The following UGT2B4 variants were observed in gnomAD, a reference collection of about 807,000 sequenced individuals.
UGT2B4 encodes the protein UDP glucuronosyltransferase family 2 member B4.
A neutral mutation model predicts 49.8 loss-of-function variants in UGT2B4; 49 were observed. That is an observed-to-expected ratio of 0.98 (90% CI 0.78 to 1.25). UGT2B4 has a LOEUF of 1.25. Ranked by LOEUF, UGT2B4 falls within the 50% of genes most tolerant of loss-of-function variation. The pLI, the probability that UGT2B4 is intolerant of heterozygous loss-of-function variation, is 0.00. For synonymous variants in UGT2B4, 246 were observed against 217.7 expected (o/e 1.13, Z -1.14); for missense variants, 729 against 627.7 (o/e 1.16, Z -1.73).
At chr4:69,513,166 T>C (rs1170070070) in intron 1 of UGT2B4, among the ~76,000 whole-genome samples, 5 of 152,208 alleles carry the variant, frequency 3.3e-5, no homozygotes, top group African/African-American at 4.8e-5. Flanking sequence ...CATGTGCCTA[T>C]GTCTTGAGCA....
At chr4:69,511,684 A>G (rs12642506) in intron 1 of UGT2B4, among the ~76,000 whole-genome samples, 53,083 of 151,638 alleles carry the variant, frequency 0.35, 9,303 homozygotes, top group Non-Finnish European at 0.37. Flanking sequence ...CTGCTCTCAT[A>G]AAATGAGTTT....
intron 1 of UGT2B4, among the ~76,000 whole-genome samples, chr4:69,523,700 G>A (rs1577908042): frequency 6.6e-6 from 1 of 152,178 alleles, no homozygotes; most frequent in East Asian, 1.9e-4. Flanking sequence ...AAAAGAGTCA[G>A]CCTGTGCTTT....
intron 1 of UGT2B4, among the ~76,000 whole-genome samples, chr4:69,515,260 T>A (rs959658402): frequency 2.0e-5 from 3 of 152,158 alleles, no homozygotes; most frequent in Admixed American, 2.0e-4. Context: ...ATTGTTCACA[T>A]AATTGGAAGT....
intron 1 of UGT2B4, among the ~76,000 whole-genome samples, chr4:69,501,126 C>T (rs949002433): frequency 6.6e-6 from 1 of 151,300 alleles, no homozygotes; most frequent in African/African-American, 2.4e-5. Flanking sequence ...TTGTGCCTAC[C>T]GGGGATGGAG....
At chr4:69,515,511 A>C (rs1364609569) in intron 1 of UGT2B4, among the ~76,000 whole-genome samples, 2 of 152,188 alleles carry the variant, frequency 1.3e-5, no homozygotes, top group Non-Finnish European at 2.9e-5. Flanking sequence ...CAGCTAAAGC[A>C]GTGTTAGGGA....
intron 1 of UGT2B4, among the ~76,000 whole-genome samples, chr4:69,504,673 A>C (rs1298845749): frequency 2.1e-5 from 2 of 95,496 alleles, no homozygotes; most frequent in Admixed American, 1.2e-4. Flanking sequence ...CTTGGAAACC[A>C]TATTTCAGGT....
intron 5 of UGT2B4, among the ~76,000 whole-genome samples, chr4:69,484,999 T>G (rs1015385891): frequency 6.6e-6 from 1 of 152,126 alleles, no homozygotes; most frequent in Non-Finnish European, 1.5e-5. Context: ...GTGTAGAAAA[T>G]TATTTCAATA....
exon 1 of UGT2B4, chr4:69,525,706 G>C (rs1243612652): frequency 1.6e-6 from 2 of 1,280,344 alleles, no homozygotes; most frequent in Non-Finnish European, 1.0e-6. Context: ...TCGTTGATGA[G>C]ACATGTAAGA....
intron 1 of UGT2B4, chr4:69,525,643 A>G (rs1264654791): frequency 8.2e-7 from 1 of 1,225,080 alleles, no homozygotes; most frequent in Admixed American, 2.5e-5. Context: ...TGCACCTGCC[A>G]TTTTTTCACA....
chr4:69,511,101 C>T (rs946773110), intron 1 of UGT2B4, among the ~76,000 whole-genome samples: 9 of 151,008 alleles, frequency 6.0e-5, no homozygotes, highest in Middle Eastern at 3.4e-3. Context: ...AAGCAATTCT[C>T]CTACCCTACC....
chr4:69,501,295 T>G (rs1375621612), intron 1 of UGT2B4, among the ~76,000 whole-genome samples: 1 of 152,150 alleles, frequency 6.6e-6, no homozygotes, highest in Admixed American at 6.5e-5. Context: ...CTACTCTACC[T>G]AAACTTGGCC....
At chr4:69,517,456 TA>T (rs1326352910) in intron 1 of UGT2B4, among the ~76,000 whole-genome samples, 1 of 152,144 alleles carries the variant, frequency 6.6e-6, no homozygotes, top group Non-Finnish European at 1.5e-5. Flanking sequence ...AAGAATCAAA[TA>T]AAATCTCTGT....
Position 69,495,442 on chromosome 4 carries a change from T to G in UGT2B4, c.420A>C (p.Leu140=). Residue 140 remains leucine, a synonymous_variant, in exon 1 of 6, where the codon CTA becomes CTC. Coordinates refer to ENST00000305107, the MANE Select transcript of UGT2B4 (RefSeq NM_021139.3). ...GAACAACATCAAATCTTGACTCCTG[T>G]AGTTTCTTCATAAGTTTCTTATTTG... is the stretch of plus-strand genomic sequence containing the variant. The part of the protein sequence containing the change: ...IVSNKKLMKK[L]QESRFDVVLA... 1 of 1,613,784 alleles carries G rather than the reference T, an allele frequency of 6.2e-7. No homozygotes were observed. The highest frequency in any genetic ancestry group is 8.5e-7 in the Non-Finnish European group (1 of 1,179,878).
At chr4:69,496,647 C>G (rs2109816204), upstream of UGT2B4, among the ~76,000 whole-genome samples, 1 of 152,216 alleles carries the variant, frequency 6.6e-6, no homozygotes, top group Non-Finnish European at 1.5e-5. Flanking sequence ...AAAATAAACC[C>G]TATAAGCTTT....
chr4:69,484,158 G>T (rs1727696582), intron 5 of UGT2B4, among the ~76,000 whole-genome samples: 2 of 152,032 alleles, frequency 1.3e-5, no homozygotes, highest in Non-Finnish European at 1.5e-5. Context: ...AATAACAGGT[G>T]TTGGCAACAA....
rs1727550852 is a variant in UGT2B4 at position 69,480,506 on chromosome 4, A to G, written c.*128T>C. On this transcript the variant is annotated 3_prime_UTR_variant, in exon 6 of 6. Coordinates refer to ENST00000305107, the MANE Select transcript of UGT2B4 (RefSeq NM_021139.3). ...AGGTACTAAAACAAATTTTGACTTGACAAGGTAAGTTTTGAAAGATGTTTT... is the reference window on the plus strand; with the variant it reads ...AGGTACTAAAACAAATTTTGACTTGGCAAGGTAAGTTTTGAAAGATGTTTT... 1.4e-6 allele frequency: 2 copies of G among 1,435,336 alleles called. No individual in the cohort carries two copies. Among genetic ancestry groups the G allele is most frequent in the South Asian group, 1.5e-5 (1 of 67,824 alleles). The allele number at this position is 1,435,336 out of a possible 1,614,324, so 88.9% of individuals were successfully genotyped here. A position where few individuals can be genotyped will look rare whatever the true frequency, so the allele number is the denominator to read the frequency against.
At chr4:69,499,290 T>C (rs1043046649), upstream of UGT2B4, among the ~76,000 whole-genome samples, 1 of 152,206 alleles carries the variant, frequency 6.6e-6, no homozygotes, top group Non-Finnish European at 1.5e-5. Context: ...ATTTCTGTGA[T>C]TGATTTTAGA....
intron 1 of UGT2B4, among the ~76,000 whole-genome samples, chr4:69,509,946 C>A (rs1483110874): frequency 2.0e-5 from 3 of 151,954 alleles, no homozygotes; most frequent in Non-Finnish European, 4.4e-5. Flanking sequence ...TGTTATGAAG[C>A]TTTTGCTTTA....
chr4:69,525,898 C>T (rs60794737), exon 1 of UGT2B4: 74,209 of 249,050 alleles, frequency 0.3, 11,581 homozygotes, highest in African/African-American at 0.35. Context: ...TCAGGAGATC[C>T]AGACCATCCT....
Sources: gnomAD v4.1 joint callset for allele counts (sites outside exome capture counted in the v4.1 genomes callset) on GRCh38, gnomAD v4.1.1 for gene constraint, MANE v1.5 for transcripts, NCBI Gene and HGNC (gene_info 2026-07-23, HGNC 2026-07-21) for gene names.